The following TANK variants were observed in gnomAD, a reference collection of about 807,000 sequenced individuals.
The protein encoded by TANK is TRAF family member associated NFKB activator.
TANK carries 15 observed loss-of-function variants against 43.6 expected under a neutral mutation model. The observed-to-expected ratio is 0.34, with a 90% CI of 0.23 to 0.53. TANK has a LOEUF of 0.53. Among genes scored for constraint, TANK ranks in the 20% least tolerant of loss-of-function variants. The pLI is 0.94. For missense variants in TANK, 417 were observed against 498.6 expected, an observed-to-expected ratio of 0.84 and a Z score of 1.56; for synonymous variants, 162 against 178.2, an observed-to-expected ratio of 0.91 and a Z score of 0.73.
intron 1 of TANK, among the ~76,000 whole-genome samples, chr2:161,146,700 C>T (rs1184604448): frequency 1.3e-5 from 2 of 152,214 alleles, no homozygotes; most frequent in East Asian, 3.9e-4. Flanking sequence ...CCTGCTCCTT[C>T]CTCTGGGATC....
In TANK at chr2:161,217,324, A is replaced by G. The variant is rs77108594; in HGVS notation, c.328-6591A>G. On this transcript the variant is annotated intron_variant, in intron 4 of 7. Coordinates refer to ENST00000392749, the MANE Select transcript of TANK (RefSeq NM_001199135.3). ...TTAAACTCAGAATTTAAGGTTCTCAAATTCTCTAGGGCTCCTTTCCTTCAC... is the reference window on the plus strand; with the variant it reads ...TTAAACTCAGAATTTAAGGTTCTCAGATTCTCTAGGGCTCCTTTCCTTCAC... Among the ~76,000 whole-genome samples, 12 of 152,078 alleles carry G rather than the reference A, an allele frequency of 7.9e-5. No homozygotes were observed. The East Asian group carries it at 1.7e-3, about 22-fold the overall frequency.
In TANK at chr2:161,204,687, G is replaced by A. The variant is rs187514019; in HGVS notation, c.221G>A (p.Gly74Asp). 6.2e-7 allele frequency: 1 copy of A among 1,609,156 alleles called. No individual in the cohort carries two copies. The highest frequency in any genetic ancestry group is 1.3e-5 in the African/African-American group (1 of 74,346). ...LVNSTQDNNY[G>D]CVPLLEDSET... ...TTTTGTCTTGCAGATAACAATTATG[G>A]CTGTGTTCCTCTGCTTGAAGACAGT... The change falls in exon 4 of 8, where the codon GGC becomes GAC. Residue 74 changes from glycine (G) to aspartate (D), a missense_variant. Physicochemically the swap from Gly to Asp is moderately conservative, Grantham distance 94. Coordinates refer to ENST00000392749, the MANE Select transcript of TANK (RefSeq NM_001199135.3).
chr2:161,152,935 C>T (rs1005318819), intron 1 of TANK, among the ~76,000 whole-genome samples: 5 of 152,080 alleles, frequency 3.3e-5, no homozygotes, highest in African/African-American at 1.2e-4. Flanking sequence ...CTTGAATAAG[C>T]TGGTTCAGAC....
At chr2:161,207,790 A>G (rs1686713249) in intron 4 of TANK, 1 of 984,724 alleles carries the variant, frequency 1.0e-6, no homozygotes, top group South Asian at 4.7e-5. Flanking sequence ...TTCCACAATG[A>G]AAAAAATCCA....
intron 1 of TANK, among the ~76,000 whole-genome samples, chr2:161,139,004 A>T (rs1683668053): frequency 6.6e-6 from 1 of 152,090 alleles, no homozygotes; most frequent in Non-Finnish European, 1.5e-5. Context: ...CTTGATAGGG[A>T]TATTCTTTCC....
At chr2:161,204,848 T>C (rs560370655) in intron 4 of TANK, 55 bp downstream of exon 4, 1 of 1,581,956 alleles carries the variant, frequency 6.3e-7, no homozygotes, top group South Asian at 1.2e-5. Context: ...TGACATAGCT[T>C]CCTCATTTTA....
chr2:161,180,902 GTTT>G (rs35730859), intron 2 of TANK, among the ~76,000 whole-genome samples: 1 of 135,672 alleles, frequency 7.4e-6, no homozygotes. Context: ...AGAGTTCAGG[GTTT>G]TTTTTTTTTT....
intron 2 of TANK, among the ~76,000 whole-genome samples, chr2:161,195,766 A>C (rs951950537): frequency 6.6e-6 from 1 of 152,106 alleles, no homozygotes; most frequent in African/African-American, 2.4e-5. Context: ...GATTTAAGAG[A>C]TATTAATAGT....
At chr2:161,212,364 A>G in intron 4 of TANK, 1 of 984,300 alleles carries the variant, frequency 1.0e-6, no homozygotes, top group Non-Finnish European at 1.2e-6. Flanking sequence ...CCTGGCTGAT[A>G]CACAAACTCT....
intron 1 of TANK, among the ~76,000 whole-genome samples, chr2:161,148,692 G>T (rs1032297540): frequency 6.6e-6 from 1 of 152,136 alleles, no homozygotes; most frequent in Admixed American, 6.5e-5. Context: ...GTTAATTTTT[G>T]TATGTGGTGT....
intron 2 of TANK, among the ~76,000 whole-genome samples, chr2:161,187,961 T>C (rs1685739230): frequency 6.6e-6 from 1 of 151,886 alleles, no homozygotes; most frequent in African/African-American, 2.4e-5. Flanking sequence ...AACCAGTGGG[T>C]CAAAAAAGAA....
At chr2:161,214,192 T>C (rs976121982) in intron 4 of TANK, among the ~76,000 whole-genome samples, 2 of 152,198 alleles carry the variant, frequency 1.3e-5, no homozygotes, top group African/African-American at 4.8e-5. Flanking sequence ...TGTCTGTTGC[T>C]TTCCTTAACA....
At chr2:161,156,417 T>C (rs531583234), upstream of TANK, 36 of 932,536 alleles carry the variant, frequency 3.9e-5, no homozygotes, top group Admixed American at 6.8e-4. Context: ...TCTAATAGCT[T>C]ATCATGTATT....
chr2:161,137,119 GT>G (rs1246377110), intron 1 of TANK: 1 of 985,448 alleles, frequency 1.0e-6, no homozygotes. Context: ...GGGCCTGGAT[GT>G]CTTAAACTGA....
chr2:161,233,191 C>A (rs1050203357), intron 7 of TANK, among the ~76,000 whole-genome samples: 2 of 152,028 alleles, frequency 1.3e-5, no homozygotes, highest in African/African-American at 4.8e-5. Context: ...TGAGACCAGC[C>A]TGGGCAACAT....
At chr2:161,232,886 A>G in intron 7 of TANK, 2 of 1,540,816 alleles carry the variant, frequency 1.3e-6, no homozygotes, top group Non-Finnish European at 1.8e-6. Context: ...GTCACAAGAC[A>G]TGGGGCATAA....
At chr2:161,172,948 G>A (rs548490893) in intron 1 of TANK, among the ~76,000 whole-genome samples, 1 of 152,112 alleles carries the variant, frequency 6.6e-6, no homozygotes, top group South Asian at 2.1e-4. Flanking sequence ...TGTCTCCCTC[G>A]CTAGTTTGTA....
At chr2:161,203,293 C>G (rs767312492) in intron 2 of TANK, among the ~76,000 whole-genome samples, 194 bp from the exon 3 acceptor site, 2 of 152,048 alleles carry the variant, frequency 1.3e-5, no homozygotes, top group Non-Finnish European at 2.9e-5. Context: ...TTCTGCGGTG[C>G]TTTAAGTGTC....
rs1025435747 is a variant in TANK, at chr2:161,183,554, A to G, written c.99+3793A>G. Among the ~76,000 whole-genome samples the G allele has an allele frequency of 8.5e-5, 13 of 152,188 alleles. 1 individual carries two copies. Among genetic ancestry groups the G allele is most frequent in the Non-Finnish European group, 1.6e-4 (11 of 68,022 alleles). On this transcript the variant is annotated intron_variant, in intron 2 of 7. Coordinates refer to ENST00000392749, the MANE Select transcript of TANK (RefSeq NM_001199135.3). ...TTTTTGCACTAGCCATTGGTAAGCA[A>G]TTGGGAGTTTAACCCCTTATCTGCT...
Sources: allele counts gnomAD v4.1 joint callset (sites outside exome capture counted in the v4.1 genomes callset), GRCh38; gene constraint gnomAD v4.1.1; transcripts MANE v1.5; gene names NCBI Gene and HGNC (gene_info 2026-07-23, HGNC 2026-07-21).